MROH7: variants seen among roughly 807,000 people sequenced by gnomAD.
MROH7 encodes maestro heat-like repeat-containing protein family member 7.
Under a neutral mutation model 129.2 loss-of-function variants are expected in MROH7, and 113 were observed. The ratio of observed to expected loss-of-function variants is 0.87; its 90% CI spans 0.75 to 1.02. MROH7 has a LOEUF of 1.02. MROH7 is among the 50% of genes least tolerant of loss of function. The pLI is 0.00. For synonymous variants in MROH7, 655 were observed against 667.9 expected (o/e 0.98, Z 0.30); for missense variants, 1,601 against 1,671.3 (o/e 0.96, Z 0.73).
intron 5 of MROH7, among the ~76,000 whole-genome samples, chr1:54,669,191 G>GTTGGGAGGA (rs1356038196): frequency 3.3e-5 from 5 of 152,182 alleles, no homozygotes; most frequent in Non-Finnish European, 7.3e-5. Flanking sequence ...CCATTGGCTT[G>GTTGGGAGGA]TTGGGAGGAC....
In MROH7 at chr1:54,653,240, T is replaced by G; in HGVS notation, c.314T>G (p.Leu105Arg). Residue 105 changes from leucine to arginine, a missense_variant, in exon 3 of 24, where the codon CTG (leucine) becomes CGG (arginine). Coordinates refer to ENST00000421030, the MANE Select transcript of MROH7 (RefSeq NM_001039464.4). ...QITSSCSGEA[L>R]DLDSKDVSRP... ...ACCAGTTCTTGTTCTGGTGAAGCCC[T>G]GGACCTGGATTCCAAGGATGTCTCA... The G allele has an allele frequency of 6.2e-7, 1 of 1,614,212 alleles. No individual in the cohort carries two copies. The highest frequency in any genetic ancestry group is 8.5e-7 in the Non-Finnish European group (1 of 1,180,042).
intron 3 of MROH7, among the ~76,000 whole-genome samples, chr1:54,655,517 C>T (rs547802804): frequency 2.0e-5 from 3 of 150,628 alleles, no homozygotes; most frequent in Non-Finnish European, 4.4e-5. Context: ...ACTACAGGTG[C>T]ACACCACACC....
In MROH7 at chr1:54,696,797, G is replaced by C. The variant is rs1160327279; in HGVS notation, c.2964+1307G>C. Among the ~76,000 whole-genome samples, 4 of 148,190 alleles carry C rather than the reference G, an allele frequency of 2.7e-5. 1 individual carries two copies. Among genetic ancestry groups the C allele is most frequent in the African/African-American group, 9.9e-5 (4 of 40,220 alleles). On this transcript the variant is annotated intron_variant, in intron 17 of 23. Transcript: ENST00000421030. ...AGCAATTCTTCTGTCTCAGCCTCCC[G>C]AGTAGCTGGGATTATAGGCAAGCAC...
At chr1:54,694,316 C>G (rs1461950832) in intron 16 of MROH7, among the ~76,000 whole-genome samples, 1 of 152,264 alleles carries the variant, frequency 6.6e-6, no homozygotes, top group Non-Finnish European at 1.5e-5. Context: ...GCACTCCATG[C>G]ATGATTGCCA....
At position 54,703,196 on chromosome 1, in the gene MROH7, G is replaced by C. The variant is rs563458044; in HGVS notation, c.3564+451G>C. ...CAGGGCACCGACACCCCTCAGTTAG[G>C]CTATTGGCCCAGCCACCCAAGGGGT... is the stretch of plus-strand genomic sequence containing the variant. On this transcript the variant is annotated intron_variant, in intron 21 of 23. Coordinates refer to ENST00000421030, the MANE Select transcript of MROH7 (RefSeq NM_001039464.4). This position sits in a 1 kb window ranked among gnomAD's most constrained non-coding sequence, Gnocchi z 4.4. Among the ~76,000 whole-genome samples the C allele has an allele frequency of 3.3e-4, 50 of 152,118 alleles. No individual in the cohort carries two copies. The South Asian group carries it at 9.1e-3, about 28-fold the overall frequency.
At chr1:54,664,390 G>T (rs759329718) in intron 3 of MROH7, among the ~76,000 whole-genome samples, 1 of 152,244 alleles carries the variant, frequency 6.6e-6, no homozygotes, top group African/African-American at 2.4e-5. Flanking sequence ...CAGGGTGGGG[G>T]TGGCCTTTCT....
chr1:54,646,761 C>A lies in MROH7; in HGVS notation c.-110+4793C>A, dbSNP rs1481712738. Among the ~76,000 whole-genome samples the A allele has an allele frequency of 2.0e-5, 3 of 152,096 alleles. No homozygotes were observed. The South Asian group carries it at 6.2e-4, about 32-fold the overall frequency. On this transcript the variant is annotated intron_variant, in intron 1 of 23. Coordinates refer to ENST00000421030, the MANE Select transcript of MROH7 (RefSeq NM_001039464.4). The stretch of plus-strand genomic sequence containing the variant: ...ATATTTTTCTGGTCCAAAAGGAAAC[C>A]CTATACCCATTAAGCAGTCACTTAC...
Position 54,653,901 on chromosome 1 carries a change from A to C in MROH7, c.975A>C (p.Ser325=), listed in dbSNP as rs774274511. ...CCAACTCCACCATCTCTCCACCCTC[A>C]TGCATGACTCTAATCCTGGGTTCCA... ...HEPNSTISPP[S]CMTLILGSNE... Residue 325 remains serine, a synonymous_variant, in exon 3 of 24, where the codon TCA becomes TCC. Coordinates refer to ENST00000421030, the MANE Select transcript of MROH7 (RefSeq NM_001039464.4). 2.5e-6 allele frequency: 4 copies of C among 1,613,926 alleles called. No individual in the cohort carries two copies. The highest frequency in any genetic ancestry group is 3.4e-6 in the Non-Finnish European group (4 of 1,179,926).
At chr1:54,657,678 A>G (rs920484809) in intron 3 of MROH7, among the ~76,000 whole-genome samples, 7 of 149,512 alleles carry the variant, frequency 4.7e-5, no homozygotes, top group Admixed American at 2.7e-4. Flanking sequence ...ACCTGGCCCT[A>G]TCTTAACCTT....
chr1:54,682,897 G>C, intron 14 of MROH7, 103 bp downstream of exon 14: 1 of 1,306,898 alleles, frequency 7.7e-7, no homozygotes, highest in Middle Eastern at 2.7e-4. Context: ...ACCGCACTCT[G>C]CCAGTAACTA....
intron 17 of MROH7, 42 bp downstream of exon 17, chr1:54,695,532 G>GCT: frequency 7.5e-7 from 1 of 1,328,446 alleles, no homozygotes; most frequent in Non-Finnish European, 1.1e-6. Context: ...AGCTCCTCCC[G>GCT]GGCCTCGGTT....
chr1:54,679,871 CTGCCCCGGCTG>C lies in MROH7; in HGVS notation c.2227-13_2227-3del, dbSNP rs773807068. The C allele has an allele frequency of 2.0e-5, 32 of 1,597,668 alleles. No individual in the cohort carries two copies. In the African/African-American group the frequency reaches 4.0e-4, roughly 20 times the overall value. The stretch of plus-strand genomic sequence containing the variant: ...CCCTTGGCAGTCCCCTTGCTCATGG[CTGCCCCGGCTG>C]TGCCCCAGATCCCAGAAATCATGCA... On this transcript the variant is annotated splice_polypyrimidine_tract_variant and intron_variant, in intron 12 of 23. Coordinates refer to ENST00000421030, the MANE Select transcript of MROH7 (RefSeq NM_001039464.4).
intron 2 of MROH7, 75 bp from the exon 3 acceptor site, chr1:54,652,778 C>A: frequency 8.9e-7 from 1 of 1,118,098 alleles, no homozygotes; most frequent in Non-Finnish European, 1.3e-6. Flanking sequence ...GGGCTTTCAT[C>A]TTAAGAATAG....
intron 7 of MROH7, among the ~76,000 whole-genome samples, chr1:54,672,439 C>T (rs889754745): frequency 4.6e-5 from 7 of 152,040 alleles, no homozygotes; most frequent in African/African-American, 1.7e-4. Context: ...ACCCACTGCC[C>T]AGCCTCGTGT....
intron 23 of MROH7, among the ~76,000 whole-genome samples, chr1:54,709,308 C>G (rs1451366898): frequency 6.6e-6 from 1 of 152,226 alleles, no homozygotes; most frequent in Non-Finnish European, 1.5e-5. Flanking sequence ...CAACCTCTCG[C>G]TCCTGGTTCA....
intron 1 of MROH7, among the ~76,000 whole-genome samples, chr1:54,647,628 T>A (rs1644486902): frequency 6.6e-6 from 1 of 151,862 alleles, no homozygotes; most frequent in Admixed American, 6.6e-5. Context: ...TAATCCCAGC[T>A]ACTGGGGAGG....
chr1:54,670,541 C>G lies in MROH7; in HGVS notation c.1434C>G (p.Val478=), dbSNP rs768471179. ...EEPLDSLSSS[V]RKQAMEILTQ... ...CACTGGATTCTCTCTCAAGCTCCGT[C>G]CGCAAGCAGGCCATGGAGATCCTGA... Residue 478 remains valine, a synonymous_variant, in exon 6 of 24, where the codon GTC becomes GTG. Transcript: ENST00000421030. 12 of 1,613,780 alleles carry G rather than the reference C, an allele frequency of 7.4e-6. No individual in the cohort carries two copies. The South Asian group carries it at 1.2e-4, about 16-fold the overall frequency.
intron 17 of MROH7, chr1:54,700,042 G>A (rs71637867): frequency 1.5e-6 from 1 of 659,384 alleles, no homozygotes; most frequent in South Asian, 1.8e-5. Flanking sequence ...GTGTGGGCTG[G>A]AGGGTGGGCA....
At chr1:54,697,739 G>C (rs1429288367) in intron 17 of MROH7, 4 of 700,096 alleles carry the variant, frequency 5.7e-6, no homozygotes, top group South Asian at 4.5e-5. Flanking sequence ...AGAGTCCAGA[G>C]AGATTCAGAA....
Sources: gnomAD v4.1 joint callset for allele counts (sites outside exome capture counted in the v4.1 genomes callset) on GRCh38, gnomAD v4.1.1 for gene constraint, Gnocchi (gnomAD v3.1) non-coding constraint, MANE v1.5 for transcripts, NCBI Gene and HGNC (gene_info 2026-07-23, HGNC 2026-07-21) for gene names.